Variants in EPHA5 observed in about 807,000 individuals in gnomAD.
EPHA5 encodes the protein EPH receptor A5, also known as ephrin type-A receptor 5.
In EPHA5, 60 loss-of-function variants were observed where a neutral mutation model predicts 105.0. The ratio of observed to expected loss-of-function variants is 0.57; its 90% CI spans 0.46 to 0.71. The LOEUF (loss-of-function observed/expected upper bound fraction) is 0.71. EPHA5 is among the 30% of genes least tolerant of loss of function. The probability of loss-of-function intolerance (pLI) is 0.00; values close to 1 mark genes in which losing one functional copy is unlikely to be tolerated. For synonymous variants in EPHA5, 513 were observed against 449.1 expected, an observed-to-expected ratio of 1.14 and a Z score of -1.80; for missense variants, 1,218 against 1,274.7, an observed-to-expected ratio of 0.96 and a Z score of 0.68.
chr4:65,516,442 G>A (rs13149946), intron 3 of EPHA5, among the ~76,000 whole-genome samples: 40,977 of 148,080 alleles, frequency 0.28, 6,383 homozygotes, highest in Middle Eastern at 0.43. Flanking sequence ...AGGAGGAAGA[G>A]GAGAATGTTG....
intron 1 of EPHA5, among the ~76,000 whole-genome samples, chr4:65,657,080 C>A (rs1749143789): frequency 6.6e-6 from 1 of 151,636 alleles, no homozygotes; most frequent in Admixed American, 6.6e-5. Flanking sequence ...AAATGCTATT[C>A]TGTTCACATA....
chr4:65,574,054 C>G (rs867996211), intron 3 of EPHA5: 32 of 1,599,582 alleles, frequency 2.0e-5, no homozygotes, highest in Middle Eastern at 1.7e-4. Context: ...ATTGCCACCT[C>G]AACCAAAATC....
intron 3 of EPHA5, among the ~76,000 whole-genome samples, chr4:65,511,260 A>G (rs1219155623): frequency 2.6e-5 from 4 of 152,184 alleles, no homozygotes; most frequent in Non-Finnish European, 5.9e-5. Context: ...TCTGTTTGGT[A>G]TGGTATCAAC....
At chr4:65,374,831 G>C (rs1462338692) in intron 8 of EPHA5, among the ~76,000 whole-genome samples, 1 of 151,802 alleles carries the variant, frequency 6.6e-6, no homozygotes, top group Admixed American at 6.6e-5. Context: ...GAATGTTTTT[G>C]AAAATTATTG....
intron 3 of EPHA5, among the ~76,000 whole-genome samples, chr4:65,513,055 T>C (rs1261117589): frequency 6.6e-6 from 1 of 152,170 alleles, no homozygotes; most frequent in African/African-American, 2.4e-5. Flanking sequence ...CTCAAATTAT[T>C]ATGTGGTTTG....
intron 5 of EPHA5, among the ~76,000 whole-genome samples, chr4:65,489,102 T>G (rs565083589): frequency 6.6e-6 from 1 of 152,150 alleles, no homozygotes; most frequent in Admixed American, 6.5e-5. Flanking sequence ...TTTCACTGTG[T>G]TAGCCAGGAT....
chr4:65,395,765 T>G (rs945251264), intron 8 of EPHA5, among the ~76,000 whole-genome samples: 7 of 152,350 alleles, frequency 4.6e-5, no homozygotes, highest in Admixed American at 6.5e-5. Context: ...ATATAACTTT[T>G]AACAGGCATT....
At chr4:65,662,220 G>A (rs116752534) in intron 1 of EPHA5, among the ~76,000 whole-genome samples, 5,387 of 152,134 alleles carry the variant, frequency 0.035, 307 homozygotes, top group African/African-American at 0.12. Flanking sequence ...CTGAGTAAAA[G>A]AACAGACTGT....
intron 8 of EPHA5, among the ~76,000 whole-genome samples, chr4:65,395,016 T>C (rs61528444): frequency 0.11 from 16,162 of 152,202 alleles, 1,152 homozygotes; most frequent in East Asian, 0.24. Flanking sequence ...ATTAAATAGC[T>C]GCATTAAAAA....
intron 2 of EPHA5, among the ~76,000 whole-genome samples, chr4:65,623,549 G>C (rs1287564800): frequency 6.6e-6 from 1 of 152,112 alleles, no homozygotes; most frequent in Non-Finnish European, 1.5e-5. Context: ...TTTGTGATAA[G>C]TGCTATGAGG....
chr4:65,332,483 T>C (rs186668693), intron 15 of EPHA5, among the ~76,000 whole-genome samples: 87 of 151,848 alleles, frequency 5.7e-4, no homozygotes, highest in East Asian at 1.6e-3. Flanking sequence ...GGTGGACACA[T>C]TTGTCCAAAT....
chr4:65,398,984 T>C (rs1281741116), intron 8 of EPHA5, among the ~76,000 whole-genome samples: 1 of 152,138 alleles, frequency 6.6e-6, no homozygotes, highest in Non-Finnish European at 1.5e-5. Flanking sequence ...GGAAGAGCTG[T>C]AACAAACAGG....
At chr4:65,562,469 A>T (rs1369291992) in intron 3 of EPHA5, among the ~76,000 whole-genome samples, 1 of 152,044 alleles carries the variant, frequency 6.6e-6, no homozygotes, top group Non-Finnish European at 1.5e-5. Context: ...GCTCTTCTTG[A>T]AACTAAATTT....
chr4:65,379,143 T>C (rs1044099582), intron 8 of EPHA5, among the ~76,000 whole-genome samples: 12 of 151,870 alleles, frequency 7.9e-5, no homozygotes, highest in Non-Finnish European at 1.8e-4. Flanking sequence ...TATTATCTCA[T>C]AGAATTTGTC....
intron 3 of EPHA5, among the ~76,000 whole-genome samples, chr4:65,521,455 A>T (rs2149280968): frequency 6.6e-6 from 1 of 152,240 alleles, no homozygotes; most frequent in Non-Finnish European, 1.5e-5. Context: ...GCACACCAAC[A>T]TGGCACATGT....
At chr4:65,357,420 A>G (rs1723405583) in intron 11 of EPHA5, among the ~76,000 whole-genome samples, 1 of 151,572 alleles carries the variant, frequency 6.6e-6, no homozygotes, top group South Asian at 2.1e-4. Flanking sequence ...AAACTCACAA[A>G]TATTCATTTT....
intron 8 of EPHA5, among the ~76,000 whole-genome samples, chr4:65,374,209 T>C (rs1718767237): frequency 1.3e-5 from 2 of 151,846 alleles, no homozygotes; most frequent in Admixed American, 1.3e-4. Flanking sequence ...TGGGCAGCCT[T>C]GGGGATATGG....
chr4:65,462,872 T>C lies in EPHA5; in HGVS notation c.1402+27505A>G, dbSNP rs544502509. On this transcript the variant is annotated intron_variant, in intron 5 of 16. Transcript: ENST00000613740. ...CTGGCCATATTTTTATACCCTACTA[T>C]ATGCATTATTTTTGTTCTGGGAACT... Among the ~76,000 whole-genome samples the C allele has an allele frequency of 2.0e-5, 3 of 152,234 alleles. No homozygotes were observed. The South Asian group carries it at 6.2e-4, about 32-fold the overall frequency.
In EPHA5 at chr4:65,576,008, AAG is replaced by A. The variant is rs1560720658; in HGVS notation, c.910+25631_910+25632del. Among the ~76,000 whole-genome samples, 111 of 82,990 alleles carry A rather than the reference AAG, an allele frequency of 1.3e-3. 3 individuals are homozygous for A. Among genetic ancestry groups the A allele is most frequent in the African/African-American group, 4.3e-3 (98 of 22,718 alleles). The allele number at this position is 82,990 out of a possible 152,430, so 54.4% of individuals were successfully genotyped here. ...AGAGAGAGAGAGAGAGAGAGAAAGA[AAG>A]AAAGAAAGAAAGAAAGAAAGAAAGA... On this transcript the variant is annotated intron_variant, in intron 3 of 16. Coordinates refer to ENST00000613740, the MANE Select transcript of EPHA5 (RefSeq NM_001281766.3).
Sources: gnomAD v4.1 joint callset for allele counts (sites outside exome capture counted in the v4.1 genomes callset) on GRCh38, gnomAD v4.1.1 for gene constraint, MANE v1.5 for transcripts, NCBI Gene and HGNC (gene_info 2026-07-23, HGNC 2026-07-21) for gene names.